The following VTI1A variants were observed in gnomAD, a reference collection of about 807,000 sequenced individuals.
VTI1A encodes vesicle transport through interaction with t-SNAREs homolog 1A.
Under a neutral mutation model 34.9 loss-of-function variants are expected in VTI1A, and 22 were observed. That is an observed-to-expected ratio of 0.63 (90% confidence interval 0.45 to 0.90). The LOEUF (loss-of-function observed/expected upper bound fraction) is 0.90, where lower values mean the gene tolerates loss of function less well. Among genes scored for constraint, VTI1A ranks in the 40% least tolerant of loss-of-function variants. The pLI is 0.00. For synonymous variants in VTI1A, 87 were observed against 97.3 expected (o/e 0.89, Z 0.62); for missense variants, 268 against 275.6 (o/e 0.97, Z 0.20).
At chr10:112,512,433 A>G (rs183576628) in intron 3 of VTI1A, among the ~76,000 whole-genome samples, 51 of 152,108 alleles carry the variant, frequency 3.4e-4, no homozygotes, top group Middle Eastern at 3.4e-3. Flanking sequence ...TGAGTTCCTT[A>G]TATATTCTGA....
At chr10:112,606,008 GTTTTCTTTTTTTCTTT>G (rs200165759) in intron 5 of VTI1A, among the ~76,000 whole-genome samples, 1 of 145,778 alleles carries the variant, frequency 6.9e-6, no homozygotes, top group South Asian at 2.1e-4. Flanking sequence ...TTGTGTGCTA[GTTTTCTTTTTTTCTTT>G]TTTTCTTTTT....
rs1843863951 is a variant in VTI1A, at chr10:112,580,063, A to G, written c.427+41733A>G. 2.0e-5 allele frequency among the ~76,000 whole-genome samples: 3 copies of G among 152,262 alleles called. No individual in the cohort carries two copies. The South Asian group carries it at 6.2e-4, about 32-fold the overall frequency. ...AATTATTATTTTTTTTCTTACGTTC[A>G]GGCTAGAGATCCCTGATCATGTGTT... is the stretch of plus-strand genomic sequence containing the variant. On this transcript the variant is annotated intron_variant, in intron 5 of 7. Coordinates refer to ENST00000393077, the MANE Select transcript of VTI1A (RefSeq NM_145206.4).
intron 5 of VTI1A, among the ~76,000 whole-genome samples, chr10:112,637,021 A>G (rs1285098702): frequency 6.6e-6 from 1 of 152,214 alleles, no homozygotes; most frequent in Admixed American, 6.5e-5. Context: ...AACTCATTCT[A>G]TCTCAGAATA....
chr10:112,719,275 A>G (rs143158680), intron 7 of VTI1A, among the ~76,000 whole-genome samples: 1 of 152,312 alleles, frequency 6.6e-6, no homozygotes, highest in East Asian at 1.9e-4. Context: ...TCCTTGAAAA[A>G]TGATCCAAAT....
chr10:112,479,643 G>A (rs1422157131), intron 3 of VTI1A, among the ~76,000 whole-genome samples: 1 of 152,166 alleles, frequency 6.6e-6, no homozygotes, highest in Non-Finnish European at 1.5e-5. Flanking sequence ...CATTAACAGT[G>A]CAGTTTCACC....
intron 2 of VTI1A, among the ~76,000 whole-genome samples, chr10:112,462,487 T>C (rs1847757330): frequency 6.6e-6 from 1 of 152,254 alleles, no homozygotes; most frequent in Non-Finnish European, 1.5e-5. Flanking sequence ...ATTTTTGCTG[T>C]TATTTTTCCA....
chr10:112,833,750 A>C, the VTI1A span, among the ~76,000 whole-genome samples: 1 of 152,110 alleles, frequency 6.6e-6, no homozygotes, highest in Admixed American at 6.5e-5. Flanking sequence ...TGGGGCATCA[A>C]AGTGCTGGGA....
intron 3 of VTI1A, among the ~76,000 whole-genome samples, chr10:112,475,790 TTAGATGGCAC>T (rs1265803147): frequency 1.3e-5 from 2 of 152,182 alleles, no homozygotes; most frequent in African/African-American, 4.8e-5. Flanking sequence ...TTTGGCTTTG[TTAGATGGCAC>T]TAGATGGCAC....
the VTI1A span, among the ~76,000 whole-genome samples, chr10:112,847,274 A>G: frequency 6.6e-6 from 1 of 152,048 alleles, no homozygotes; most frequent in Non-Finnish European, 1.5e-5. Context: ...GCAGCCGCTA[A>G]TCTCCCTTGG....
intron 5 of VTI1A, chr10:112,634,137 A>T (rs1209351691): frequency 6.5e-6 from 1 of 153,988 alleles, no homozygotes; most frequent in African/African-American, 2.4e-5. Context: ...TCCATAAGAA[A>T]TATGCTTCAA....
intron 5 of VTI1A, among the ~76,000 whole-genome samples, chr10:112,564,743 CT>C (rs537026228): frequency 2.3e-3 from 347 of 152,066 alleles, no homozygotes; most frequent in Non-Finnish European, 4.2e-3. Flanking sequence ...TGGCTCCTGG[CT>C]TTTTAAAGGA....
the VTI1A span, among the ~76,000 whole-genome samples, chr10:112,852,923 C>T: frequency 2.5e-4 from 38 of 152,112 alleles, no homozygotes; most frequent in Admixed American, 3.9e-4. Context: ...GGACTACAGG[C>T]ACACACCACC....
At chr10:112,516,182 A>G (rs1344695136) in intron 3 of VTI1A, among the ~76,000 whole-genome samples, 1 of 152,122 alleles carries the variant, frequency 6.6e-6, no homozygotes, top group Admixed American at 6.6e-5. Flanking sequence ...CCTCAGGTCC[A>G]CAAATCAGAC....
chr10:112,507,670 G>A (rs1033517643), intron 3 of VTI1A, among the ~76,000 whole-genome samples: 8 of 152,134 alleles, frequency 5.3e-5, no homozygotes, highest in Admixed American at 5.2e-4. Flanking sequence ...ATTGGGAAAG[G>A]TCTCACATGA....
chr10:112,541,126 A>AT (rs889765244), intron 5 of VTI1A, among the ~76,000 whole-genome samples: 76 of 151,594 alleles, frequency 5.0e-4, no homozygotes, highest in Non-Finnish European at 5.9e-4. Context: ...GGTAGAAGTT[A>AT]TTTTTTTTTC....
intron 5 of VTI1A, among the ~76,000 whole-genome samples, chr10:112,564,339 C>G (rs1020252579): frequency 6.6e-6 from 1 of 150,968 alleles, no homozygotes; most frequent in Non-Finnish European, 1.5e-5. Context: ...GTGAACCAAA[C>G]AGAAATAATT....
intron 7 of VTI1A, among the ~76,000 whole-genome samples, chr10:112,696,096 A>ATATG (rs775832149): frequency 6.8e-6 from 1 of 147,092 alleles, no homozygotes; most frequent in African/African-American, 2.5e-5. Context: ...GAGAATGATT[A>ATATG]TATATATATA....
At chr10:112,768,238 A>G (rs1851701757) in intron 7 of VTI1A, among the ~76,000 whole-genome samples, 1 of 152,254 alleles carries the variant, frequency 6.6e-6, no homozygotes, top group Non-Finnish European at 1.5e-5. Flanking sequence ...AGAGGCTTTG[A>G]GAGACACAAG....
intron 5 of VTI1A, among the ~76,000 whole-genome samples, chr10:112,609,739 T>A (rs1018002779): frequency 2.0e-5 from 3 of 152,114 alleles, no homozygotes; most frequent in Non-Finnish European, 4.4e-5. Flanking sequence ...CCCTCAATTT[T>A]AAAAAAATGA....
Sources: gnomAD v4.1 joint callset for allele counts (sites outside exome capture counted in the v4.1 genomes callset) on GRCh38, gnomAD v4.1.1 for gene constraint, MANE v1.5 for transcripts, NCBI Gene and HGNC (gene_info 2026-07-23, HGNC 2026-07-21) for gene names.